The following LHFPL2 variants were observed in gnomAD, a reference collection of about 807,000 sequenced individuals.
LHFPL2 encodes the protein LHFPL tetraspan subfamily member 2 protein.
LHFPL2 carries 7 observed loss-of-function variants against 17.5 expected under a neutral mutation model. The ratio of observed to expected loss-of-function variants is 0.40; its 90% CI spans 0.23 to 0.75. LHFPL2 has a LOEUF of 0.75. LHFPL2 is among the 30% of genes least tolerant of loss of function. The pLI, the probability that LHFPL2 is intolerant of heterozygous loss-of-function variation, is 0.37. For missense variants in LHFPL2, 241 were observed against 294.8 expected (o/e 0.82, Z 1.34); for synonymous variants, 134 against 116.2 (o/e 1.15, Z -0.99).
At position 78,629,040 on chromosome 5, in the gene LHFPL2, T is replaced by A. The variant is rs1745156247; in HGVS notation, c.-245+3224A>T. 2.6e-5 allele frequency among the ~76,000 whole-genome samples: 4 copies of A among 152,152 alleles called. No individual in the cohort carries two copies. In the South Asian group the frequency reaches 8.3e-4, roughly 32 times the overall value. The stretch of plus-strand genomic sequence containing the variant: ...TTATAGGGAAAAGGGGGAAAAGGAA[T>A]CATAGAACGCAGAATATTTACTCTT... On this transcript the variant is annotated intron_variant, in intron 2 of 4. Coordinates refer to ENST00000380345, the MANE Select transcript of LHFPL2 (RefSeq NM_005779.3).
rs1754213687 is a variant in LHFPL2, at chr5:78,485,666, TG to T, written c.*3230del. 1 of 152,634 alleles carries T rather than the reference TG, an allele frequency of 6.6e-6. No individual in the cohort carries two copies. Among genetic ancestry groups the T allele is most frequent in the Non-Finnish European group, 1.5e-5 (1 of 68,036 alleles). The allele number at this position is 152,634 out of a possible 1,614,324, so 9.5% of individuals were successfully genotyped here. ...AGGTGTGAGATTAGCCCTTAAATAC[TG>T]GTCTAGCATTAGCATGGTCTATAAA... On this transcript the variant is annotated 3_prime_UTR_variant, in exon 5 of 5. Coordinates refer to ENST00000380345, the MANE Select transcript of LHFPL2 (RefSeq NM_005779.3).
rs1163195083 is a variant in LHFPL2 at position 78,584,995 on chromosome 5, GTTTTTTTTTTTTTTTTT to G, written c.-244-20141_-244-20125del. 1.2e-4 allele frequency among the ~76,000 whole-genome samples: 5 copies of G among 40,528 alleles called. No individual in the cohort carries two copies. The East Asian group carries it at 2.8e-3, about 23-fold the overall frequency. 26.6% of individuals were successfully genotyped at this position (40,528 alleles called of 152,430 possible). On this transcript the variant is annotated intron_variant, in intron 2 of 4. Coordinates refer to ENST00000380345, the MANE Select transcript of LHFPL2 (RefSeq NM_005779.3). ...GGGATATAATCTCCTGGTGCGCTGT[GTTTTTTTTTTTTTTTTT>G]TTTTTTTTTTTTGAGACGGAGTCTC... is the stretch of plus-strand genomic sequence containing the variant.
At position 78,487,600 on chromosome 5, in the gene LHFPL2, A is replaced by G. The variant is rs1554049117; in HGVS notation, c.*1297T>C. The G allele has an allele frequency of 1.3e-5, 2 of 152,208 alleles. No homozygotes were observed. Among genetic ancestry groups the G allele is most frequent in the Admixed American group, 6.5e-5 (1 of 15,280 alleles). 9.4% of individuals were successfully genotyped at this position (152,208 alleles called of 1,614,324 possible). Reference sequence around the variant, plus strand: ...GCTGCTCTGGTCATTCTGAGATACTATCTTCCTGAATCAGTGATATTGGTA... The same window carrying G: ...GCTGCTCTGGTCATTCTGAGATACTGTCTTCCTGAATCAGTGATATTGGTA... On this transcript the variant is annotated 3_prime_UTR_variant, in exon 5 of 5. Coordinates refer to ENST00000380345, the MANE Select transcript of LHFPL2 (RefSeq NM_005779.3).
chr5:78,613,380 T>C (rs1006223467), intron 2 of LHFPL2, among the ~76,000 whole-genome samples: 5 of 152,310 alleles, frequency 3.3e-5, no homozygotes, highest in Admixed American at 1.3e-4. Flanking sequence ...TTTCACAGCA[T>C]TGTATGGTGA....
intron 2 of LHFPL2, among the ~76,000 whole-genome samples, chr5:78,627,006 G>A (rs112749209): frequency 0.013 from 1,923 of 152,116 alleles, 43 homozygotes; most frequent in African/African-American, 0.044. Context: ...GCTTGAACCC[G>A]GGAGGCAGAG....
At position 78,527,128 on chromosome 5, in the gene LHFPL2, C is replaced by T. The variant is rs537915281; in HGVS notation, c.-185-16730G>A. Among the ~76,000 whole-genome samples, 23 of 152,266 alleles carry T rather than the reference C, an allele frequency of 1.5e-4. No individual in the cohort carries two copies. The South Asian group carries it at 3.7e-3, about 25-fold the overall frequency. On this transcript the variant is annotated intron_variant, in intron 3 of 4. Coordinates refer to ENST00000380345, the MANE Select transcript of LHFPL2 (RefSeq NM_005779.3). ...TGCTTGAAGGAGAACTCCAGTTCCC[C>T]GGCCAGCATTTTGTCAAGTCACCAT...
Position 78,486,688 on chromosome 5 carries a change from C to T in LHFPL2, c.*2209G>A, listed in dbSNP as rs1210867506. ...TTCAGATTAATAACATAAACACTAT[C>T]GAGTGAGTTTATTATGGCCAAGAAG... is the stretch of plus-strand genomic sequence containing the variant. On this transcript the variant is annotated 3_prime_UTR_variant, in exon 5 of 5. Transcript: ENST00000380345. 6.6e-6 allele frequency: 1 copy of T among 152,088 alleles called. No homozygotes were observed. 9.4% of individuals were successfully genotyped at this position (152,088 alleles called of 1,614,324 possible). A position where few individuals can be genotyped will look rare whatever the true frequency, so the allele number is the denominator to read the frequency against.
intron 4 of LHFPL2, among the ~76,000 whole-genome samples, chr5:78,502,739 TA>T (rs1754811090): frequency 6.6e-6 from 1 of 152,202 alleles, no homozygotes; most frequent in Non-Finnish European, 1.5e-5. Flanking sequence ...CTAGGACAAG[TA>T]AATTTCTTGC....
intron 2 of LHFPL2, among the ~76,000 whole-genome samples, chr5:78,577,082 A>G (rs540806516): frequency 6.6e-6 from 1 of 152,362 alleles, no homozygotes; most frequent in South Asian, 2.1e-4. Flanking sequence ...CTAAAAGGAT[A>G]ACCCCTCTTA....
intron 2 of LHFPL2, among the ~76,000 whole-genome samples, chr5:78,579,449 G>A (rs1161478718): frequency 6.6e-5 from 10 of 152,110 alleles, no homozygotes; most frequent in African/African-American, 1.7e-4. Flanking sequence ...CCACTAACTC[G>A]TCATCTAGCA....
intron 2 of LHFPL2, among the ~76,000 whole-genome samples, chr5:78,610,440 A>G (rs544329096): frequency 6.6e-6 from 1 of 152,186 alleles, no homozygotes; most frequent in Non-Finnish European, 1.5e-5. Context: ...GACTCGGTCC[A>G]TGGAGATGAG....
Position 78,509,872 on chromosome 5 carries a change from C to T in LHFPL2, c.342G>A (p.Val114=). 1 of 1,613,906 alleles carries T rather than the reference C, an allele frequency of 6.2e-7. No homozygotes were observed. Among genetic ancestry groups the T allele is most frequent in the Non-Finnish European group, 8.5e-7 (1 of 1,180,048 alleles). Residue 114 remains valine, a synonymous_variant, in exon 4 of 5, where the codon GTG becomes GTA. Coordinates refer to ENST00000380345, the MANE Select transcript of LHFPL2 (RefSeq NM_005779.3). The part of the protein sequence containing the change: ...LAVGIFILCM[V]ALVSVFTMCV... ...ACATGGTGAAGACGGACACCAAGGC[C>T]ACCATGCAGAGAATAAAGATTCCCA...
chr5:78,633,722 G>A (rs144152188), intron 1 of LHFPL2, among the ~76,000 whole-genome samples: 255 of 152,308 alleles, frequency 1.7e-3, no homozygotes, highest in African/African-American at 5.9e-3. Context: ...ATGGGGTAGG[G>A]GACTGAGCCA....
At chr5:78,506,049 T>C (rs1754922348) in intron 4 of LHFPL2, among the ~76,000 whole-genome samples, 1 of 152,246 alleles carries the variant, frequency 6.6e-6, no homozygotes, top group African/African-American at 2.4e-5. Flanking sequence ...GGTGTCCACC[T>C]AATGGTGCCC....
intron 2 of LHFPL2, among the ~76,000 whole-genome samples, chr5:78,571,408 C>T (rs1580817087): frequency 2.6e-5 from 4 of 152,116 alleles, no homozygotes; most frequent in Admixed American, 2.6e-4. Flanking sequence ...CCCACCCTCG[C>T]CTCTGCCCTC....
intron 2 of LHFPL2, among the ~76,000 whole-genome samples, chr5:78,593,681 G>A (rs1580841908): frequency 6.6e-6 from 1 of 152,296 alleles, no homozygotes; most frequent in African/African-American, 2.4e-5. Context: ...CACTCTTTGG[G>A]AGAAGAGGCA....
rs145354305 is a variant in LHFPL2 at position 78,537,632 on chromosome 5, C to T, written c.-186+27181G>A. The stretch of plus-strand genomic sequence containing the variant: ...ACTCTTTCCTCCCACACGGACCCCA[C>T]GTTAAAGAGGCGCCAAGGCCACATG... On this transcript the variant is annotated intron_variant, in intron 3 of 4. Coordinates refer to ENST00000380345, the MANE Select transcript of LHFPL2 (RefSeq NM_005779.3). Among the ~76,000 whole-genome samples the T allele has an allele frequency of 2.4e-4, 36 of 152,270 alleles. No individual in the cohort carries two copies. The East Asian group carries it at 5.0e-3, about 21-fold the overall frequency.
intron 3 of LHFPL2, among the ~76,000 whole-genome samples, chr5:78,537,603 ACCCACTCTTTCCT>A (rs894986051): frequency 2.6e-5 from 4 of 151,882 alleles, no homozygotes; most frequent in African/African-American, 9.7e-5. Flanking sequence ...TTTCCTCAGC[ACCCACTCTTTCCT>A]CCCACACGGA....
chr5:78,578,481 T>C (rs1001192691), intron 2 of LHFPL2, among the ~76,000 whole-genome samples: 1 of 152,140 alleles, frequency 6.6e-6, no homozygotes, highest in Non-Finnish European at 1.5e-5. Context: ...TTTCCTTCTC[T>C]TGCAAGACGG....
Sources: gnomAD v4.1 joint callset for allele counts (sites outside exome capture counted in the v4.1 genomes callset) on GRCh38, gnomAD v4.1.1 for gene constraint, MANE v1.5 for transcripts, NCBI Gene and HGNC (gene_info 2026-07-23, HGNC 2026-07-21) for gene names.